SCAI: variants seen among roughly 807,000 people sequenced by gnomAD.
SCAI encodes protein SCAI.
Under a neutral mutation model 92.2 loss-of-function variants are expected in SCAI, and 24 were observed. The observed-to-expected ratio is 0.26, with a 90% CI of 0.19 to 0.37. The LOEUF is 0.37. Ranked by LOEUF, SCAI falls within the 10% of genes least tolerant of loss-of-function variation. The probability of loss-of-function intolerance (pLI) is 1.00; values close to 1 mark genes in which losing one functional copy is unlikely to be tolerated. For missense variants in SCAI, 450 were observed against 736.2 expected, an observed-to-expected ratio of 0.61 and a Z score of 4.50; for synonymous variants, 261 against 258.6, an observed-to-expected ratio of 1.01 and a Z score of -0.09.
intron 14 of SCAI, among the ~76,000 whole-genome samples, chr9:124,983,020 G>A (rs1831917996): frequency 6.6e-6 from 1 of 152,114 alleles, no homozygotes; most frequent in East Asian, 1.9e-4. Context: ...AGGTGTGGTG[G>A]CATGTTTCTG....
At chr9:125,033,194 T>G (rs1006351028) in intron 3 of SCAI, among the ~76,000 whole-genome samples, 1 of 149,820 alleles carries the variant, frequency 6.7e-6, no homozygotes, top group Admixed American at 6.7e-5. Context: ...CAAGACTCCA[T>G]CTCCAAAAAA....
intron 2 of SCAI, 102 bp downstream of exon 2, chr9:125,142,531 T>A: frequency 1.2e-6 from 1 of 852,724 alleles, no homozygotes; most frequent in East Asian, 2.5e-5. Context: ...GGGGGATAAA[T>A]AAGAAACTTC....
chr9:124,974,320 T>C (rs1305343178), intron 15 of SCAI: 6 of 398,522 alleles, frequency 1.5e-5, no homozygotes, highest in South Asian at 3.8e-5. Flanking sequence ...TGGTAGTGTA[T>C]ACCTGTGGTC....
At chr9:124,954,248 A>G (rs1460647416) in intron 17 of SCAI, among the ~76,000 whole-genome samples, 1 of 152,240 alleles carries the variant, frequency 6.6e-6, no homozygotes, top group Non-Finnish European at 1.5e-5. Context: ...TTTAATATCA[A>G]ATGGAACAAA....
At chr9:125,070,473 C>T (rs1833960867) in intron 2 of SCAI, among the ~76,000 whole-genome samples, 1 of 147,732 alleles carries the variant, frequency 6.8e-6, no homozygotes, top group Non-Finnish European at 1.5e-5. Flanking sequence ...AATCTCAGCT[C>T]ATAGCAAGCT....
At chr9:124,968,479 G>A (rs755586846) in intron 17 of SCAI, 35 of 916,032 alleles carry the variant, frequency 3.8e-5, no homozygotes, top group Admixed American at 1.5e-4. Flanking sequence ...TGCTTGTTTG[G>A]TGTCTGCTTG....
chr9:125,043,925 TGCAGCTGCAGCTAC>T, intron 3 of SCAI, among the ~76,000 whole-genome samples: 1 of 152,132 alleles, frequency 6.6e-6, no homozygotes, highest in South Asian at 2.1e-4. Flanking sequence ...CGCTCCTGGG[TGCAGCTGCAGCTAC>T]CCAGCTGCAG....
intron 2 of SCAI, among the ~76,000 whole-genome samples, chr9:125,108,537 G>A (rs10986563): frequency 1.3e-5 from 2 of 149,712 alleles, no homozygotes; most frequent in Non-Finnish European, 3.0e-5. Flanking sequence ...CCATCTGGGA[G>A]GTGAGGAGCG....
At chr9:124,965,469 A>G (rs1326877526) in intron 17 of SCAI, among the ~76,000 whole-genome samples, 2 of 152,188 alleles carry the variant, frequency 1.3e-5, no homozygotes, top group Non-Finnish European at 2.9e-5. Context: ...TCTTGACCTA[A>G]GGTGATCCAC....
chr9:125,014,193 GAGA>G (rs1310407099), intron 9 of SCAI, among the ~76,000 whole-genome samples: 62 of 152,184 alleles, frequency 4.1e-4, no homozygotes, highest in African/African-American at 1.4e-3. Context: ...AATTATGCAG[GAGA>G]AGGAAATAAA....
rs111762816 is a variant in SCAI, at chr9:125,029,608, G to A, written c.326+36C>T. The A allele has an allele frequency of 5.1e-3, 6,505 of 1,283,602 alleles. 29 individuals are homozygous for A. The highest frequency in any genetic ancestry group is 6.6e-3 in the Non-Finnish European group (5,857 of 888,348). The allele number at this position is 1,283,602 out of a possible 1,614,324, so 79.5% of individuals were successfully genotyped here. On this transcript the variant is annotated intron_variant, in intron 4 of 17. Coordinates refer to ENST00000336505, the MANE Select transcript of SCAI (RefSeq NM_001144877.3). Reference sequence around the variant, plus strand: ...TAAAAACTGTGACTAATACAAAACAGGCCTTCACTCTCCTTTAACTATAAA... The same window carrying A: ...TAAAAACTGTGACTAATACAAAACAAGCCTTCACTCTCCTTTAACTATAAA...
intron 2 of SCAI, among the ~76,000 whole-genome samples, chr9:125,077,963 C>T (rs560216326): frequency 6.8e-6 from 1 of 147,614 alleles, no homozygotes; most frequent in South Asian, 2.2e-4. Flanking sequence ...AAGTGATCCA[C>T]ACCCCCCCCG....
chr9:125,098,322 G>C (rs1313717573), intron 2 of SCAI, among the ~76,000 whole-genome samples: 1 of 152,058 alleles, frequency 6.6e-6, no homozygotes, highest in African/African-American at 2.4e-5. Context: ...TTCCCAAAGT[G>C]CTGGGATTAC....
At chr9:125,106,028 C>T (rs549625282) in intron 2 of SCAI, among the ~76,000 whole-genome samples, 81 of 136,952 alleles carry the variant, frequency 5.9e-4, no homozygotes, top group Non-Finnish European at 1.1e-3. Context: ...ACCCAGCAAG[C>T]GGAGGTTGCA....
In SCAI at chr9:125,003,443, C is replaced by T. The variant is rs746755918; in HGVS notation, c.963+26G>A. ...GAGACGCAGCCAGAGGGTTACCAAA[C>T]TTGCAAATGTAAAAGAGGAGATTAC... On this transcript the variant is annotated intron_variant, in intron 10 of 17. Coordinates refer to ENST00000336505, the MANE Select transcript of SCAI (RefSeq NM_001144877.3). 7 of 1,493,200 alleles carry T rather than the reference C, an allele frequency of 4.7e-6. No individual in the cohort carries two copies. The Admixed American group carries it at 8.4e-5, about 18-fold the overall frequency. 92.5% of individuals were successfully genotyped at this position (1,493,200 alleles called of 1,614,324 possible).
intron 14 of SCAI, among the ~76,000 whole-genome samples, chr9:124,987,413 G>A (rs1309777020): frequency 6.6e-6 from 1 of 152,052 alleles, no homozygotes; most frequent in East Asian, 1.9e-4. Context: ...GCCCCTACTG[G>A]CAATCTAAGA....
Position 125,009,547 on chromosome 9 carries a change from C to G in SCAI, c.862-5977G>C, listed in dbSNP as rs144150156. ...TTGCCTCCCAAAGTGCATGAGCCAC[C>G]ATGCCCAAAGGCATGAGTCACCACG... On this transcript the variant is annotated intron_variant, in intron 9 of 17. Coordinates refer to ENST00000336505, the MANE Select transcript of SCAI (RefSeq NM_001144877.3). 2.1e-3 allele frequency among the ~76,000 whole-genome samples: 315 copies of G among 152,192 alleles called. 1 individual carries two copies. Among genetic ancestry groups the G allele is most frequent in the African/African-American group, 5.5e-3 (229 of 41,560 alleles).
intron 13 of SCAI, among the ~76,000 whole-genome samples, chr9:124,996,625 AT>A (rs903615560): frequency 2.0e-5 from 3 of 149,832 alleles, no homozygotes; most frequent in East Asian, 2.0e-4. Flanking sequence ...ATTTTCATTT[AT>A]TTTTTTTTAT....
chr9:124,996,888 C>G (rs1832250002), intron 13 of SCAI, among the ~76,000 whole-genome samples: 1 of 152,092 alleles, frequency 6.6e-6, no homozygotes, highest in African/African-American at 2.4e-5. Flanking sequence ...CTTCGGCCTC[C>G]CAAAGTGCTG....
Sources: gnomAD v4.1 joint callset for allele counts (sites outside exome capture counted in the v4.1 genomes callset) on GRCh38, gnomAD v4.1.1 for gene constraint, MANE v1.5 for transcripts, NCBI Gene and HGNC (gene_info 2026-07-23, HGNC 2026-07-21) for gene names.